The following TEAD4 variants were observed in gnomAD, a reference collection of about 807,000 sequenced individuals.
The protein encoded by TEAD4 is transcriptional enhancer factor TEF-3.
Under a neutral mutation model 52.4 loss-of-function variants are expected in TEAD4, and 36 were observed. The ratio of observed to expected loss-of-function variants is 0.69; its 90% CI spans 0.53 to 0.91. The LOEUF (loss-of-function observed/expected upper bound fraction) is 0.91, where lower values mean the gene tolerates loss of function less well. TEAD4 is among the 40% of genes least tolerant of loss of function. The pLI is 0.00. For missense variants in TEAD4, 508 were observed against 583.9 expected, an observed-to-expected ratio of 0.87 and a Z score of 1.34; for synonymous variants, 220 against 231.0, an observed-to-expected ratio of 0.95 and a Z score of 0.43.
intron 2 of TEAD4, among the ~76,000 whole-genome samples, chr12:2,988,833 G>T (rs915937498): frequency 6.6e-6 from 1 of 152,160 alleles, no homozygotes; most frequent in African/African-American, 2.4e-5. Flanking sequence ...GACTGTGTTC[G>T]AGGAGCTTCC....
At chr12:3,006,560 T>G (rs1045008620) in intron 3 of TEAD4, among the ~76,000 whole-genome samples, 1 of 151,956 alleles carries the variant, frequency 6.6e-6, no homozygotes, top group Admixed American at 6.6e-5. Flanking sequence ...GGGCGTTGCC[T>G]GTAATCCCAA....
At chr12:3,016,263 A>G (rs1173500193) in intron 5 of TEAD4, among the ~76,000 whole-genome samples, 1 of 152,098 alleles carries the variant, frequency 6.6e-6, no homozygotes, top group African/African-American at 2.4e-5. Context: ...CCTGGGCTCA[A>G]GCGATCTACC....
chr12:3,040,530 A>T lies in TEAD4; in HGVS notation c.*52A>T. 1 of 1,537,610 alleles carries T rather than the reference A, an allele frequency of 6.5e-7. No homozygotes were observed. The highest frequency in any genetic ancestry group is 9.0e-7 in the Non-Finnish European group (1 of 1,116,962). On this transcript the variant is annotated 3_prime_UTR_variant, in exon 13 of 13. Transcript: ENST00000359864. ...AGAGACGTGTGTGCAGGAAACGGGG[A>T]CGTGGGGAGGGGACCTGCAGGGGCA...
chr12:3,022,179 G>C (rs1021406934), intron 10 of TEAD4, among the ~76,000 whole-genome samples, 162 bp downstream of exon 10: 1 of 152,206 alleles, frequency 6.6e-6, no homozygotes, highest in Non-Finnish European at 1.5e-5. Context: ...GATGGTTGGA[G>C]CTGAGCCGAG....
intron 8 of TEAD4, 64 bp from the exon 9 acceptor site, chr12:3,020,570 C>G: frequency 6.9e-7 from 1 of 1,453,532 alleles, no homozygotes; most frequent in Non-Finnish European, 9.1e-7. Context: ...GGGGTCCTTG[C>G]AGAGGGTGCG....
intron 2 of TEAD4, among the ~76,000 whole-genome samples, chr12:2,966,716 CTTTTTT>C (rs1418698433): frequency 6.9e-4 from 105 of 151,116 alleles, no homozygotes; most frequent in Admixed American, 1.8e-3. Context: ...CGGCGTATTT[CTTTTTT>C]TTGAGATGGA....
At chr12:3,015,964 C>T (rs981520520) in intron 5 of TEAD4, among the ~76,000 whole-genome samples, 13 of 151,990 alleles carry the variant, frequency 8.6e-5, no homozygotes, top group African/African-American at 2.7e-4. Flanking sequence ...TCACATGAAG[C>T]CAGGCGTTTG....
At chr12:3,031,463 ATAT>A (rs1303331807) in intron 10 of TEAD4, among the ~76,000 whole-genome samples, 2 of 152,070 alleles carry the variant, frequency 1.3e-5, no homozygotes, top group Non-Finnish European at 2.9e-5. Context: ...GCTATTGGTG[ATAT>A]TCTGTGTTCT....
At chr12:3,027,442 A>G (rs1395007651) in intron 10 of TEAD4, among the ~76,000 whole-genome samples, 1 of 152,174 alleles carries the variant, frequency 6.6e-6, no homozygotes, top group Non-Finnish European at 1.5e-5. Flanking sequence ...ACCTACTTAA[A>G]ACATACAGGC....
chr12:3,017,450 C>T lies in TEAD4; in HGVS notation c.407C>T (p.Ala136Val), dbSNP rs375377144. ...CAGAGCATGGCTGCCATGTCGTCTG[C>T]ACAGATCATCTCCGCCACGGCCTTC... Residue 136 changes from alanine to valine, a missense_variant, in exon 6 of 13, where the codon GCA (alanine) becomes GTA (valine). Coordinates refer to ENST00000359864, the MANE Select transcript of TEAD4 (RefSeq NM_003213.4). The T allele has an allele frequency of 6.2e-6, 10 of 1,614,058 alleles. No individual in the cohort carries two copies. The highest frequency in any genetic ancestry group is 7.6e-6 in the Non-Finnish European group (9 of 1,180,050).
At chr12:2,970,136 A>G (rs1335872825) in intron 2 of TEAD4, among the ~76,000 whole-genome samples, 2 of 152,258 alleles carry the variant, frequency 1.3e-5, no homozygotes, top group African/African-American at 4.8e-5. Context: ...CTACAATATT[A>G]TCATTTTAAC....
chr12:2,974,473 C>T (rs61675474), intron 2 of TEAD4, among the ~76,000 whole-genome samples: 1 of 152,204 alleles, frequency 6.6e-6, no homozygotes, highest in African/African-American at 2.4e-5. Context: ...GCTCCTATGT[C>T]CTCAGAGCCA....
Position 2,999,782 on chromosome 12 carries a change from C to T in TEAD4, c.226+4790C>T, listed in dbSNP as rs146581269. On this transcript the variant is annotated intron_variant, in intron 3 of 12. Transcript: ENST00000359864. The stretch of plus-strand genomic sequence containing the variant: ...TGGTGGGATTCGAACAACTTCTCGC[C>T]CCCTTCTGCCTGCTCCCCGCCTTCC... 6.8e-3 allele frequency among the ~76,000 whole-genome samples: 1,029 copies of T among 152,334 alleles called. 9 individuals carry two copies. The highest frequency in any genetic ancestry group is 9.9e-3 in the Non-Finnish European group (671 of 68,030).
intron 2 of TEAD4, among the ~76,000 whole-genome samples, chr12:2,971,459 TTTTTATTTTA>T (rs1002576062): frequency 7.9e-5 from 12 of 152,154 alleles, no homozygotes; most frequent in African/African-American, 2.9e-4. Flanking sequence ...TTTATTTTTA[TTTTTATTTTA>T]TTTTATTTTA....
chr12:2,962,340 A>T (rs1235655815), intron 2 of TEAD4, among the ~76,000 whole-genome samples: 68 of 106,682 alleles, frequency 6.4e-4, no homozygotes, highest in African/African-American at 2.6e-3. Flanking sequence ...ATAAATATAT[A>T]TATATATTTT....
intron 10 of TEAD4, among the ~76,000 whole-genome samples, chr12:3,029,103 G>A (rs572776559): frequency 3.3e-5 from 5 of 151,876 alleles, no homozygotes; most frequent in African/African-American, 1.2e-4. Flanking sequence ...GGGTCTTGCT[G>A]TGTCTTCCAG....
chr12:3,013,278 T>A (rs1475625013), intron 5 of TEAD4, among the ~76,000 whole-genome samples: 5 of 150,762 alleles, frequency 3.3e-5, no homozygotes, highest in Admixed American at 1.3e-4. Context: ...TTTTTTTTTT[T>A]AGCAATGTAG....
At chr12:2,964,459 CTTTTTTT>C (rs768389942) in intron 2 of TEAD4, among the ~76,000 whole-genome samples, 3 of 140,246 alleles carry the variant, frequency 2.1e-5, no homozygotes, top group Non-Finnish European at 4.7e-5. Flanking sequence ...TTCTTTCTTT[CTTTTTTT>C]TTTTTTTTGA....
intron 2 of TEAD4, among the ~76,000 whole-genome samples, chr12:2,962,417 C>A (rs1308798755): frequency 6.7e-6 from 1 of 150,030 alleles, no homozygotes; most frequent in Non-Finnish European, 1.5e-5. Flanking sequence ...CTCACCACAA[C>A]CTCTGCCTCC....
Sources: allele counts gnomAD v4.1 joint callset (sites outside exome capture counted in the v4.1 genomes callset), GRCh38; gene constraint gnomAD v4.1.1; transcripts MANE v1.5; gene names NCBI Gene and HGNC (gene_info 2026-07-23, HGNC 2026-07-21).